ATAD2B: variants seen among roughly 807,000 people sequenced by gnomAD.
ATAD2B encodes ATPase family AAA domain containing 2B.
In ATAD2B, 40 loss-of-function variants were observed where a neutral mutation model predicts 167.6. The ratio of observed to expected loss-of-function variants is 0.24; its 90% CI spans 0.19 to 0.31. ATAD2B has a LOEUF of 0.31. Ranked by LOEUF, ATAD2B falls within the 10% of genes least tolerant of loss-of-function variation. The pLI is 1.00. For synonymous variants in ATAD2B, 579 were observed against 596.5 expected, an observed-to-expected ratio of 0.97 and a Z score of 0.43; for missense variants, 1,242 against 1,757.2, an observed-to-expected ratio of 0.71 and a Z score of 5.24.
At chr2:23,739,762 G>A in the ATAD2B span, among the ~76,000 whole-genome samples, 2 of 152,190 alleles carry the variant, frequency 1.3e-5, no homozygotes, top group Admixed American at 6.5e-5. Context: ...GAATCCAGGA[G>A]CTGGTTTTTT....
At chr2:23,792,456 A>C (rs1681904836) in intron 19 of ATAD2B, among the ~76,000 whole-genome samples, 1 of 151,842 alleles carries the variant, frequency 6.6e-6, no homozygotes. Flanking sequence ...AATGGTTAAG[A>C]ACTTAAGATC....
At position 23,891,991 on chromosome 2, in the gene ATAD2B, T is replaced by C. The variant is rs112877966; in HGVS notation, c.369-3592A>G. 1.6e-3 allele frequency among the ~76,000 whole-genome samples: 247 copies of C among 152,298 alleles called. 2 individuals are homozygous for C. Among genetic ancestry groups the C allele is most frequent in the African/African-American group, 5.7e-3 (236 of 41,570 alleles). ...GATTTATGAGGGTTATAAACCTCAATTCAAAAAAGCCCAAGTTCTGACAGA... is the reference window on the plus strand; with the variant it reads ...GATTTATGAGGGTTATAAACCTCAACTCAAAAAAGCCCAAGTTCTGACAGA... On this transcript the variant is annotated intron_variant, in intron 2 of 27. Transcript: ENST00000238789.
chr2:23,711,360 T>C, the ATAD2B span, among the ~76,000 whole-genome samples: 3 of 106,476 alleles, frequency 2.8e-5, no homozygotes, highest in South Asian at 3.4e-4. Flanking sequence ...TTTTTTTTTT[T>C]TTTTTTTTTT....
chr2:23,792,101 C>T (rs978387946), intron 19 of ATAD2B, among the ~76,000 whole-genome samples: 2 of 149,208 alleles, frequency 1.3e-5, no homozygotes, highest in Non-Finnish European at 3.0e-5. Flanking sequence ...CTTGCTCTGT[C>T]GCCCAGGCTG....
At chr2:23,826,291 T>C (rs1169286481) in intron 15 of ATAD2B, among the ~76,000 whole-genome samples, 1 of 152,196 alleles carries the variant, frequency 6.6e-6, no homozygotes, top group Non-Finnish European at 1.5e-5. Context: ...GGGTTATACT[T>C]AGGGTAACCA....
chr2:23,825,930 A>ATT, intron 15 of ATAD2B, among the ~76,000 whole-genome samples: 1 of 152,344 alleles, frequency 6.6e-6, no homozygotes, highest in Non-Finnish European at 1.5e-5. Flanking sequence ...AGACAAAGAA[A>ATT]TGATCAATAG....
chr2:23,835,380 T>C (rs10182536), intron 13 of ATAD2B, among the ~76,000 whole-genome samples: 1,898 of 152,320 alleles, frequency 0.012, 37 homozygotes, highest in African/African-American at 0.043. Flanking sequence ...ATGAATCTTG[T>C]AATCACTTTG....
intron 10 of ATAD2B, among the ~76,000 whole-genome samples, chr2:23,866,279 C>A (rs550598764): frequency 6.6e-6 from 1 of 152,146 alleles, no homozygotes; most frequent in African/African-American, 2.4e-5. Flanking sequence ...GTGGCGCATG[C>A]TTGTAATCCC....
intron 1 of ATAD2B, among the ~76,000 whole-genome samples, chr2:23,919,484 T>C (rs552156404): frequency 2.4e-4 from 37 of 152,100 alleles, no homozygotes; most frequent in Non-Finnish European, 4.0e-4. Context: ...GAGGCAAAGA[T>C]TGCAGCAAGC....
At chr2:23,891,910 C>G (rs1699561804) in intron 2 of ATAD2B, among the ~76,000 whole-genome samples, 1 of 152,208 alleles carries the variant, frequency 6.6e-6, no homozygotes, top group African/African-American at 2.4e-5. Flanking sequence ...ATTGCAATAT[C>G]AGACTTAAAA....
intron 19 of ATAD2B, among the ~76,000 whole-genome samples, chr2:23,792,443 A>C (rs1424470042): frequency 1.3e-5 from 2 of 151,888 alleles, no homozygotes; most frequent in Non-Finnish European, 2.9e-5. Context: ...AATAAGAAAA[A>C]TTAATGGTTA....
At chr2:23,924,358 G>A (rs1704408908) in intron 1 of ATAD2B, among the ~76,000 whole-genome samples, 1 of 152,168 alleles carries the variant, frequency 6.6e-6, no homozygotes. Context: ...TACAGACACT[G>A]GCAAATGCTT....
the ATAD2B span, among the ~76,000 whole-genome samples, chr2:23,678,161 C>T: frequency 6.6e-6 from 1 of 152,334 alleles, no homozygotes; most frequent in East Asian, 1.9e-4. Context: ...TTGGCTGCAA[C>T]TTCATCTCCA....
chr2:23,818,339 G>A (rs1331657837), intron 17 of ATAD2B, among the ~76,000 whole-genome samples: 1 of 110,972 alleles, frequency 9.0e-6, no homozygotes, highest in South Asian at 3.5e-4. Flanking sequence ...AGACACAGAC[G>A]CACAGGCTAG....
chr2:23,921,157 G>A (rs1233124440), intron 1 of ATAD2B, among the ~76,000 whole-genome samples: 3 of 113,768 alleles, frequency 2.6e-5, no homozygotes, highest in Non-Finnish European at 4.9e-5. Flanking sequence ...AGTAAGCTAA[G>A]ATTGTACCAC....
downstream of ATAD2B, among the ~76,000 whole-genome samples, chr2:23,744,017 A>C (rs1674659480): frequency 6.6e-6 from 1 of 152,234 alleles, no homozygotes; most frequent in Non-Finnish European, 1.5e-5. Context: ...TAGTACACTA[A>C]ATAGTTCCAC....
the ATAD2B span, among the ~76,000 whole-genome samples, chr2:23,687,920 C>T: frequency 1.3e-5 from 2 of 152,206 alleles, no homozygotes; most frequent in East Asian, 1.9e-4. Context: ...AGACCATGAG[C>T]GGGAGAGCTG....
the ATAD2B span, chr2:23,706,338 GAGGGCAAAGA>G: frequency 1.6e-4 from 92 of 578,540 alleles, no homozygotes; most frequent in African/African-American, 1.7e-3. Context: ...GCCCAGGTTA[GAGGGCAAAGA>G]AGGGCAGCAA....
At chr2:23,698,599 G>C in the ATAD2B span, among the ~76,000 whole-genome samples, 1 of 152,184 alleles carries the variant, frequency 6.6e-6, no homozygotes, top group African/African-American at 2.4e-5. Context: ...TACAGGAATA[G>C]AGCAAGATTA....
Sources: gnomAD v4.1 joint callset for allele counts (sites outside exome capture counted in the v4.1 genomes callset) on GRCh38, gnomAD v4.1.1 for gene constraint, MANE v1.5 for transcripts, NCBI Gene and HGNC (gene_info 2026-07-23, HGNC 2026-07-21) for gene names.